Variants in OPA3 observed in about 807,000 individuals in gnomAD.
The protein encoded by OPA3 is optic atrophy 3 protein.
Under a neutral mutation model 4.0 loss-of-function variants are expected in OPA3, and 6 were observed. The ratio of observed to expected loss-of-function variants is 1.51; its 90% confidence interval spans 0.83 to 2.99. The LOEUF (loss-of-function observed/expected upper bound fraction) is 2.99. Among genes scored for constraint, OPA3 ranks in the 30% most tolerant of loss-of-function variants. OPA3 has a pLI of 0.00. For synonymous variants in OPA3, 105 were observed against 117.1 expected, an observed-to-expected ratio of 0.90 and a Z score of 0.67; for missense variants, 235 against 256.2, an observed-to-expected ratio of 0.92 and a Z score of 0.56.
Position 45,549,944 on chromosome 19 carries a change from G to A in OPA3, c.*3570C>T, listed in dbSNP as rs1969307390. 1 of 900,822 alleles carries A rather than the reference G, an allele frequency of 1.1e-6. No homozygotes were observed. Among genetic ancestry groups the A allele is most frequent in the Non-Finnish European group, 1.3e-6 (1 of 753,062 alleles). 55.8% of individuals were successfully genotyped at this position (900,822 alleles called of 1,614,324 possible). A position where few individuals can be genotyped will look rare whatever the true frequency, so the allele number is the denominator to read the frequency against. On this transcript the variant is annotated 3_prime_UTR_variant, in exon 2 of 2. Coordinates refer to ENST00000263275, the MANE Select transcript of OPA3 (RefSeq NM_025136.4). ...AGGCCGAGGCGGGCGGATTACCTGA[G>A]GTCAGGAGTTCAAGATCAGCCTGGG... is the stretch of plus-strand genomic sequence containing the variant.
rs1289276507 is a variant in OPA3 at position 45,553,628 on chromosome 19, C to T, written c.426G>A (p.Ala142=). 7.5e-6 allele frequency: 12 copies of T among 1,606,726 alleles called. No homozygotes were observed. Among genetic ancestry groups the T allele is most frequent in the Non-Finnish European group, 8.5e-6 (10 of 1,178,534 alleles). ...CCTCCAGGGCGCCCTGTGGCGGCGC[C>T]GCCTGCACCTGCGCCTGCAGCGCTT... is the stretch of plus-strand genomic sequence containing the variant. ...ALEALQAQVQ[A]APPQGALEEL... Residue 142 remains alanine (A), a synonymous_variant, in exon 2 of 2, where the codon GCG becomes GCA. Transcript: ENST00000263275.
chr19:45,580,373 A>T (rs1969835170), intron 1 of OPA3, among the ~76,000 whole-genome samples: 1 of 144,444 alleles, frequency 6.9e-6, no homozygotes, highest in Non-Finnish European at 1.5e-5. Context: ...GGCTCACTGC[A>T]ACCTCCACCT....
rs1181396046 is a variant in OPA3, at chr19:45,537,396, C to CAAA, written c.143-7943_143-7941dup. On this transcript the variant is annotated intron_variant, in intron 1 of 1. Transcript: ENST00000323060. ...TGGATGACAGAGCAAGACTCTGTCT[C>CAAA]AAAAAAAAAAAAAAAAAAAAAAAAA... 3.1e-3 allele frequency among the ~76,000 whole-genome samples: 90 copies of CAAA among 28,886 alleles called. 10 individuals carry two copies. Among genetic ancestry groups the CAAA allele is most frequent in the Admixed American group, 3.9e-3 (7 of 1,794 alleles). 19.0% of individuals were successfully genotyped at this position (28,886 alleles called of 152,430 possible). A position where few individuals can be genotyped will look rare whatever the true frequency, so the allele number is the denominator to read the frequency against.
chr19:45,548,406 C>G lies in OPA3; in HGVS notation c.*5108G>C, dbSNP rs577920303. ...GGGGCACAGCCCTCAGGGCACCTCC[C>G]AGGGTTTTGTGAGCTGGGATGAATG... On this transcript the variant is annotated 3_prime_UTR_variant, in exon 2 of 2. Coordinates refer to ENST00000263275, the MANE Select transcript of OPA3 (RefSeq NM_025136.4). 1.0e-6 allele frequency: 1 copy of G among 985,558 alleles called. No individual in the cohort carries two copies. The highest frequency in any genetic ancestry group is 1.7e-5 in the African/African-American group (1 of 57,366). 61.1% of individuals were successfully genotyped at this position (985,558 alleles called of 1,614,324 possible). A position where few individuals can be genotyped will look rare whatever the true frequency, so the allele number is the denominator to read the frequency against.
chr19:45,529,462 G>T (rs1454819718), intron 1 of OPA3: 6 of 1,611,988 alleles, frequency 3.7e-6, no homozygotes, highest in Non-Finnish European at 4.2e-6. Flanking sequence ...GTACACTGCA[G>T]GAAAAGACAG....
At chr19:45,574,263 C>T (rs1187500468) in intron 1 of OPA3, among the ~76,000 whole-genome samples, 2 of 151,916 alleles carry the variant, frequency 1.3e-5, no homozygotes, top group Non-Finnish European at 1.5e-5. Context: ...GGCGTGGTGG[C>T]GGGCGCCTGT....
intron 1 of OPA3, among the ~76,000 whole-genome samples, chr19:45,560,263 C>T (rs1438387204): frequency 2.0e-5 from 3 of 152,146 alleles, no homozygotes; most frequent in African/African-American, 4.8e-5. Flanking sequence ...ACCTCCAGAC[C>T]CCTGGGATCC....
chr19:45,573,521 G>C (rs956517218), intron 1 of OPA3, among the ~76,000 whole-genome samples: 18 of 152,134 alleles, frequency 1.2e-4, no homozygotes, highest in African/African-American at 4.3e-4. Context: ...GCCAGGTACA[G>C]TTCTATGTTT....
Position 45,550,498 on chromosome 19 carries a change from C to G in OPA3, c.*3016G>C, listed in dbSNP as rs1969316761. Reference sequence around the variant, plus strand: ...GATCGTCACCCTCCCAGCCTCTGCTCAGCCATCGCCTCTCCCTCCTCACTC... The same window carrying G: ...GATCGTCACCCTCCCAGCCTCTGCTGAGCCATCGCCTCTCCCTCCTCACTC... On this transcript the variant is annotated 3_prime_UTR_variant, in exon 2 of 2. Transcript: ENST00000263275. 1.0e-6 allele frequency: 1 copy of G among 984,850 alleles called. No individual in the cohort carries two copies. Among genetic ancestry groups the G allele is most frequent in the African/African-American group, 1.8e-5 (1 of 56,678 alleles). 61.0% of individuals were successfully genotyped at this position (984,850 alleles called of 1,614,324 possible). A position where few individuals can be genotyped will look rare whatever the true frequency, so the allele number is the denominator to read the frequency against.
Position 45,561,201 on chromosome 19 carries a change from C to T in OPA3, c.143-7290G>A, listed in dbSNP as rs1384057332. On this transcript the variant is annotated intron_variant, in intron 1 of 1. Transcript: ENST00000263275. ...ATACAAAATTAGCCAGGCATGGTGGCGCATGCCTGTAATCCCAGCTACTCG... is the reference window on the plus strand; with the variant it reads ...ATACAAAATTAGCCAGGCATGGTGGTGCATGCCTGTAATCCCAGCTACTCG... 7.9e-5 allele frequency among the ~76,000 whole-genome samples: 12 copies of T among 152,152 alleles called. No individual in the cohort carries two copies. In the East Asian group the frequency reaches 9.7e-4, roughly 12 times the overall value.
intron 1 of OPA3, among the ~76,000 whole-genome samples, chr19:45,533,252 GTGGCGCATC>G (rs1969079132): frequency 6.7e-6 from 1 of 148,302 alleles, no homozygotes; most frequent in Admixed American, 6.8e-5. Context: ...CTGGAGTGCA[GTGGCGCATC>G]TCTGCTCACT....
intron 1 of OPA3, among the ~76,000 whole-genome samples, chr19:45,559,044 C>T (rs572749513): frequency 3.3e-5 from 5 of 151,942 alleles, no homozygotes; most frequent in Admixed American, 2.0e-4. Flanking sequence ...CCACCATGTC[C>T]GACTAATTTT....
In OPA3 at chr19:45,549,125, A is replaced by G; in HGVS notation, c.*4389T>C. 1.0e-6 allele frequency: 1 copy of G among 985,292 alleles called. No individual in the cohort carries two copies. The highest frequency in any genetic ancestry group is 1.2e-6 in the Non-Finnish European group (1 of 829,868). The allele number at this position is 985,292 out of a possible 1,614,324, so 61.0% of individuals were successfully genotyped here. A position where few individuals can be genotyped will look rare whatever the true frequency, so the allele number is the denominator to read the frequency against. On this transcript the variant is annotated 3_prime_UTR_variant, in exon 2 of 2. Coordinates refer to ENST00000263275, the MANE Select transcript of OPA3 (RefSeq NM_025136.4). Reference sequence around the variant, plus strand: ...CAGTCCCAAGGACTTTTTAAATATGAAAAAAGAATGCATCAACTTGAAGAT... The same window carrying G: ...CAGTCCCAAGGACTTTTTAAATATGGAAAAAGAATGCATCAACTTGAAGAT...
chr19:45,580,485 G>A (rs1224494525), intron 1 of OPA3, among the ~76,000 whole-genome samples: 3 of 151,510 alleles, frequency 2.0e-5, no homozygotes. Flanking sequence ...TAGAGACGGG[G>A]TTTCTCCATG....
At chr19:45,580,046 G>C (rs540886461) in intron 1 of OPA3, among the ~76,000 whole-genome samples, 1 of 150,428 alleles carries the variant, frequency 6.6e-6, no homozygotes, top group African/African-American at 2.4e-5. Flanking sequence ...ACCCAGGCTG[G>C]AGTGTAGTGG....
At chr19:45,561,467 G>T (rs954064563) in intron 1 of OPA3, among the ~76,000 whole-genome samples, 13 of 152,194 alleles carry the variant, frequency 8.5e-5, no homozygotes, top group African/African-American at 3.1e-4. Context: ...ATGGTGAAGG[G>T]TCGTCATAAG....
In OPA3 at chr19:45,583,224, C is replaced by T. The variant is rs138081254; in HGVS notation, c.142+1399G>A. Among the ~76,000 whole-genome samples, 626 of 152,086 alleles carry T rather than the reference C, an allele frequency of 4.1e-3. 6 individuals carry two copies. The highest frequency in any genetic ancestry group is 0.014 in the African/African-American group (591 of 41,456). Reference sequence around the variant, plus strand: ...GGAGTACAGTGTTACGATCTCGGCTCACTGCAAGCTCCGCCTTCCGGGTTC... The same window carrying T: ...GGAGTACAGTGTTACGATCTCGGCTTACTGCAAGCTCCGCCTTCCGGGTTC... On this transcript the variant is annotated intron_variant, in intron 1 of 1. Transcript: ENST00000263275.
chr19:45,583,467 A>C (rs905354233), intron 1 of OPA3, among the ~76,000 whole-genome samples: 1 of 146,192 alleles, frequency 6.8e-6, no homozygotes, highest in African/African-American at 2.5e-5. Context: ...ACCTTTTTAA[A>C]GTAGTTTATA....
In OPA3 at chr19:45,547,978, T is replaced by G; in HGVS notation, c.*5536A>C. ...TCCCAAAGTGCTGAGATTACAGGTG[T>G]GAGCCACCACGCCTGGCCACTCTTT... is the stretch of plus-strand genomic sequence containing the variant. On this transcript the variant is annotated 3_prime_UTR_variant, in exon 2 of 2. Transcript: ENST00000263275. The G allele has an allele frequency of 3.0e-5, 12 of 394,030 alleles. No individual in the cohort carries two copies. Among genetic ancestry groups the G allele is most frequent in the Admixed American group, 6.4e-5 (1 of 15,512 alleles). 24.4% of individuals were successfully genotyped at this position (394,030 alleles called of 1,614,324 possible). A position where few individuals can be genotyped will look rare whatever the true frequency, so the allele number is the denominator to read the frequency against.
Sources: allele counts gnomAD v4.1 joint callset (sites outside exome capture counted in the v4.1 genomes callset), GRCh38; gene constraint gnomAD v4.1.1; transcripts MANE v1.5; gene names NCBI Gene and HGNC (gene_info 2026-07-23, HGNC 2026-07-21).